The following DNAL1 variants were observed in gnomAD, a reference collection of about 807,000 sequenced individuals.
DNAL1 encodes the protein dynein axonemal light chain 1, also known as chromosome 14 open reading frame 168.
In DNAL1, 17 loss-of-function variants were observed where a neutral mutation model predicts 29.4. That is an observed-to-expected ratio of 0.58 (90% CI 0.40 to 0.87). DNAL1 has a LOEUF of 0.87. Ranked by LOEUF, DNAL1 falls within the 40% of genes least tolerant of loss-of-function variation. The pLI is 0.00. For synonymous variants in DNAL1, 78 were observed against 76.3 expected (o/e 1.02, Z -0.12); for missense variants, 188 against 214.1 (o/e 0.88, Z 0.76).
At chr14:73,660,602 T>C (rs996730176) in intron 3 of DNAL1, among the ~76,000 whole-genome samples, 2 of 152,220 alleles carry the variant, frequency 1.3e-5, no homozygotes, top group Admixed American at 6.5e-5. Flanking sequence ...CACATATTTG[T>C]GAACCCATGC....
intron 7 of DNAL1, among the ~76,000 whole-genome samples, chr14:73,692,230 C>T (rs1892193125): frequency 6.6e-6 from 1 of 152,026 alleles, no homozygotes; most frequent in South Asian, 2.1e-4. Flanking sequence ...GTGTGTAATC[C>T]CAGCACTTTG....
In DNAL1 at chr14:73,654,991, C is replaced by G. The variant is rs1052306638; in HGVS notation, c.42+106C>G. On this transcript the variant is annotated intron_variant, in intron 2 of 7. Transcript: ENST00000553645. ...ACAAAGGATCCTTTTGGTATTGGAA[C>G]TATTCAGCTATCTTGTCTATGGTGG... is the stretch of plus-strand genomic sequence containing the variant. The G allele has an allele frequency of 2.6e-6, 3 of 1,146,242 alleles. No homozygotes were observed. In the South Asian group the frequency reaches 4.4e-5, roughly 17 times the overall value. 71.0% of individuals were successfully genotyped at this position (1,146,242 alleles called of 1,614,324 possible). A position where few individuals can be genotyped will look rare whatever the true frequency, so the allele number is the denominator to read the frequency against.
intron 7 of DNAL1, among the ~76,000 whole-genome samples, chr14:73,694,940 C>T (rs866001589): frequency 2.0e-5 from 3 of 151,874 alleles, no homozygotes; most frequent in Middle Eastern, 3.2e-3. Flanking sequence ...CCACCCGCCT[C>T]GGCCTCCCAA....
chr14:73,651,718 G>A (rs1436815371), intron 1 of DNAL1, among the ~76,000 whole-genome samples: 1 of 152,090 alleles, frequency 6.6e-6, no homozygotes, highest in Non-Finnish European at 1.5e-5. Flanking sequence ...GTGCAATGCC[G>A]CAATCTCGGC....
rs1318876162 is a variant in DNAL1 at position 73,703,305 on chromosome 14, T to C, written c.*7363T>C. On this transcript the variant is annotated 3_prime_UTR_variant, in exon 8 of 8. Coordinates refer to ENST00000553645, the MANE Select transcript of DNAL1 (RefSeq NM_031427.4). ...CGCATGTAGATACATACAATTGTTA[T>C]ATATAATTAAAAGTCAGAATCTTAG... 6.6e-6 allele frequency: 1 copy of C among 152,212 alleles called. No individual in the cohort carries two copies. Among genetic ancestry groups the C allele is most frequent in the Non-Finnish European group, 1.5e-5 (1 of 68,044 alleles). The allele number at this position is 152,212 out of a possible 1,614,324, so 9.4% of individuals were successfully genotyped here. A position where few individuals can be genotyped will look rare whatever the true frequency, so the allele number is the denominator to read the frequency against.
At chr14:73,648,602 G>C (rs1009271398) in intron 1 of DNAL1, among the ~76,000 whole-genome samples, 1 of 149,338 alleles carries the variant, frequency 6.7e-6, no homozygotes, top group African/African-American at 2.5e-5. Context: ...TTTTAGTAGA[G>C]AGAGGGTTCT....
chr14:73,685,874 G>A (rs1337156610), intron 5 of DNAL1, among the ~76,000 whole-genome samples: 5 of 152,084 alleles, frequency 3.3e-5, no homozygotes, highest in African/African-American at 1.2e-4. Context: ...TGGCTATTGT[G>A]AATTTGCTAC....
chr14:73,702,946 C>CA lies in DNAL1; in HGVS notation c.*7017dup, dbSNP rs367557905. ...GCAACATCGTGAGACCCCATCTCTA[C>CA]AAAAAAAAAAAAAGAAAAAAAAAAT... On this transcript the variant is annotated 3_prime_UTR_variant, in exon 8 of 8. Coordinates refer to ENST00000553645, the MANE Select transcript of DNAL1 (RefSeq NM_031427.4). 0.054 allele frequency: 4,309 copies of CA among 80,098 alleles called. 74 individuals are homozygous for CA. The highest frequency in any genetic ancestry group is 0.068 in the Middle Eastern group (10 of 148). The allele number at this position is 80,098 out of a possible 1,614,324, so 5.0% of individuals were successfully genotyped here.
intron 4 of DNAL1, among the ~76,000 whole-genome samples, chr14:73,670,841 A>G (rs1352446856): frequency 6.6e-6 from 1 of 151,728 alleles, no homozygotes; most frequent in Non-Finnish European, 1.5e-5. Context: ...AATTCACACC[A>G]TTCTCCTGCC....
chr14:73,671,707 C>G (rs1015900333), intron 5 of DNAL1, 110 bp downstream of exon 5: 1 of 1,189,292 alleles, frequency 8.4e-7, no homozygotes, highest in African/African-American at 1.6e-5. Context: ...GTATCAGTTT[C>G]TTTTAAGGCT....
chr14:73,694,450 C>T (rs1404237652), intron 7 of DNAL1, among the ~76,000 whole-genome samples: 1 of 151,880 alleles, frequency 6.6e-6, no homozygotes, highest in Non-Finnish European at 1.5e-5. Context: ...ACTGAATACT[C>T]AGCTGGGGTC....
At position 73,697,005 on chromosome 14, in the gene DNAL1, A is replaced by G. The variant is rs541488263; in HGVS notation, c.*1063A>G. On this transcript the variant is annotated 3_prime_UTR_variant, in exon 8 of 8. Coordinates refer to ENST00000553645, the MANE Select transcript of DNAL1 (RefSeq NM_031427.4). ...ATTATGAGATCCCAGGCAAATGGCA[A>G]TATGTTTGAGGATTGTCTCCTACAT... is the stretch of plus-strand genomic sequence containing the variant. 3 of 152,336 alleles carry G rather than the reference A, an allele frequency of 2.0e-5. No homozygotes were observed. In the South Asian group the frequency reaches 6.2e-4, roughly 32 times the overall value. 9.4% of individuals were successfully genotyped at this position (152,336 alleles called of 1,614,324 possible).
At chr14:73,682,337 A>ATTTTTTTTTTTTTTTT in intron 5 of DNAL1, among the ~76,000 whole-genome samples, 1 of 93,416 alleles carries the variant, frequency 1.1e-5, no homozygotes, top group Non-Finnish European at 2.0e-5. Flanking sequence ...TGCCTGGCTA[A>ATTTTTTTTTTTTTTTT]TTTTTTTTTT....
At position 73,644,989 on chromosome 14, in the gene DNAL1, C is replaced by G; in HGVS notation, c.-51C>G. 6.2e-7 allele frequency: 1 copy of G among 1,603,060 alleles called. No individual in the cohort carries two copies. Among genetic ancestry groups the G allele is most frequent in the Non-Finnish European group, 8.5e-7 (1 of 1,175,570 alleles). ...GAGCGCCGAGAAGTGCGCACGCGCACTGACCCCGCGGGCCCTAGCAACCAG... is the reference window on the plus strand; with the variant it reads ...GAGCGCCGAGAAGTGCGCACGCGCAGTGACCCCGCGGGCCCTAGCAACCAG... On this transcript the variant is annotated 5_prime_UTR_variant, in exon 1 of 8. Coordinates refer to ENST00000553645, the MANE Select transcript of DNAL1 (RefSeq NM_031427.4).
chr14:73,691,854 C>T (rs151321175), intron 7 of DNAL1, among the ~76,000 whole-genome samples: 3 of 146,892 alleles, frequency 2.0e-5, no homozygotes, highest in African/African-American at 7.6e-5. Flanking sequence ...CCACCCCCCC[C>T]CCCCAGCTAA....
chr14:73,699,917 AATTTGATAATCTTGTAGG>A lies in DNAL1; in HGVS notation c.*3977_*3994del, dbSNP rs1253044230. The A allele has an allele frequency of 6.6e-6, 1 of 152,236 alleles. No homozygotes were observed. Among genetic ancestry groups the A allele is most frequent in the Admixed American group, 6.5e-5 (1 of 15,288 alleles). The allele number at this position is 152,236 out of a possible 1,614,324, so 9.4% of individuals were successfully genotyped here. On this transcript the variant is annotated 3_prime_UTR_variant, in exon 8 of 8. Transcript: ENST00000553645. ...TTAAATACAGAAAAATACTGTGTAA[AATTTGATAATCTTGTAGG>A]AAAGTTAGCTGATGTAGACATCAAT...
intron 5 of DNAL1, among the ~76,000 whole-genome samples, chr14:73,673,766 G>A (rs896052119): frequency 6.6e-6 from 1 of 151,794 alleles, no homozygotes; most frequent in African/African-American, 2.4e-5. Context: ...GGTGGTACAT[G>A]CCTATAGTCC....
Position 73,677,062 on chromosome 14 carries a change from C to A in DNAL1, c.264+5465C>A, listed in dbSNP as rs928127301. ...CTCGGCTCACTACAAGCTCCACCTCCTGGGTTCACGCCATTCTCCTGCCTC... is the reference window on the plus strand; with the variant it reads ...CTCGGCTCACTACAAGCTCCACCTCATGGGTTCACGCCATTCTCCTGCCTC... On this transcript the variant is annotated intron_variant, in intron 5 of 7. Coordinates refer to ENST00000553645, the MANE Select transcript of DNAL1 (RefSeq NM_031427.4). 2.6e-5 allele frequency among the ~76,000 whole-genome samples: 4 copies of A among 151,318 alleles called. No individual in the cohort carries two copies. The South Asian group carries it at 8.4e-4, about 32-fold the overall frequency.
At chr14:73,654,401 T>C (rs1350335161) in intron 1 of DNAL1, among the ~76,000 whole-genome samples, 1 of 152,190 alleles carries the variant, frequency 6.6e-6, no homozygotes, top group African/African-American at 2.4e-5. Flanking sequence ...AGAAATCATT[T>C]TAATGGTAGA....
Sources: gnomAD v4.1 joint callset for allele counts (sites outside exome capture counted in the v4.1 genomes callset) on GRCh38, gnomAD v4.1.1 for gene constraint, MANE v1.5 for transcripts, NCBI Gene and HGNC (gene_info 2026-07-23, HGNC 2026-07-21) for gene names.